The following ZNF462 variants were observed in gnomAD, a reference collection of about 807,000 sequenced individuals.
The protein encoded by ZNF462 is zinc finger PBX1-interacting protein.
A neutral mutation model predicts 201.9 loss-of-function variants in ZNF462; 10 were observed. The ratio of observed to expected loss-of-function variants is 0.05; its 90% CI spans 0.03 to 0.08. The LOEUF (loss-of-function observed/expected upper bound fraction) is 0.08. ZNF462 is among the 10% of genes least tolerant of loss of function. The pLI, the probability that ZNF462 is intolerant of heterozygous loss-of-function variation, is 1.00. For synonymous variants in ZNF462, 1,227 were observed against 1,193.3 expected (o/e 1.03, Z -0.58); for missense variants, 2,523 against 3,168.3 (o/e 0.80, Z 4.89).
Position 106,929,230 on chromosome 9 carries a change from C to G in ZNF462, c.5318C>G (p.Ser1773Cys). Residue 1773 changes from serine to cysteine, a missense_variant, in exon 3 of 13, where the codon TCT (serine) becomes TGT (cysteine). By Grantham distance (112) the Ser-to-Cys change is moderately radical. Transcript: ENST00000277225. The surrounding 1 kb of genome is among the most constrained non-coding windows in gnomAD (Gnocchi z 8.7). ...GAGAAGAAAAAGTGCTCCTTGTGCT[C>G]TTTCCAGTCGTTCAGCAAGAAGGGC... ...AVEKKKCSLC[S>C]FQSFSKKGIV... 1 of 1,614,200 alleles carries G rather than the reference C, an allele frequency of 6.2e-7. No individual in the cohort carries two copies. Among genetic ancestry groups the G allele is most frequent in the Non-Finnish European group, 8.5e-7 (1 of 1,180,044 alleles).
At chr9:106,988,685 C>T (rs1219023727) in intron 10 of ZNF462, among the ~76,000 whole-genome samples, 2 of 152,118 alleles carry the variant, frequency 1.3e-5, no homozygotes, top group Non-Finnish European at 2.9e-5. Flanking sequence ...GGATGTGTTT[C>T]CATTTGTTTG....
intron 10 of ZNF462, among the ~76,000 whole-genome samples, chr9:107,001,591 A>C (rs1052483253): frequency 4.6e-4 from 70 of 152,178 alleles, no homozygotes; most frequent in Non-Finnish European, 7.9e-4. Context: ...TATGTCATAA[A>C]AGGAAATCAA....
chr9:106,971,935 AG>A, intron 7 of ZNF462, 69 bp from the exon 8 acceptor site: 1 of 1,530,812 alleles, frequency 6.5e-7, no homozygotes, highest in Non-Finnish European at 8.8e-7. Flanking sequence ...ACCTGATGTC[AG>A]GGGTTTTCAA....
In ZNF462 at chr9:106,920,144, C is replaced by T. The variant is rs1361727646; in HGVS notation, c.-30-3210C>T. Among the ~76,000 whole-genome samples, 5 of 144,994 alleles carry T rather than the reference C, an allele frequency of 3.4e-5. No individual in the cohort carries two copies. The highest frequency in any genetic ancestry group is 1.0e-4 in the African/African-American group (4 of 39,716). On this transcript the variant is annotated intron_variant, in intron 1 of 12. Transcript: ENST00000277225. The surrounding 1 kb of genome is among the most constrained non-coding windows in gnomAD (Gnocchi z 4.3). ...AAGATATGCAGAGCTTATTTCTCAC[C>T]TTTTTTTTTTTTCCTCGGTTTTGGT...
At chr9:106,860,181 G>A (rs981478487), upstream of ZNF462, among the ~76,000 whole-genome samples, 33 of 152,188 alleles carry the variant, frequency 2.2e-4, no homozygotes, top group African/African-American at 7.2e-4. The surrounding 1 kb of genome is among the most constrained non-coding windows in gnomAD (Gnocchi z 7.1). Flanking sequence ...CCCGCGGCCG[G>A]TTCGGGAGCT....
At position 106,935,740 on chromosome 9, in the gene ZNF462, G is replaced by T; in HGVS notation, c.6235+119G>T. ...ACTTGAGAATGTTATTCTTGGGATG[G>T]ATGTATATTCAGTTTTATTTTTACC... On this transcript the variant is annotated intron_variant, in intron 6 of 12. Coordinates refer to ENST00000277225, the MANE Select transcript of ZNF462 (RefSeq NM_021224.6). The surrounding 1 kb of genome is among the most constrained non-coding windows in gnomAD (Gnocchi z 4.1). 1 of 718,030 alleles carries T rather than the reference G, an allele frequency of 1.4e-6. No individual in the cohort carries two copies. The highest frequency in any genetic ancestry group is 2.2e-6 in the Non-Finnish European group (1 of 456,194). 44.5% of individuals were successfully genotyped at this position (718,030 alleles called of 1,614,324 possible).
rs1469176439 is a variant in ZNF462, at chr9:106,927,863, C to T, written c.3951C>T (p.Cys1317=). The T allele has an allele frequency of 1.2e-6, 2 of 1,614,030 alleles. No homozygotes were observed. Among genetic ancestry groups the T allele is most frequent in the Non-Finnish European group, 1.7e-6 (2 of 1,180,046 alleles). ...AAGCTGGCTACCACTGCGAGTGGTG[C>T]ATCTACTCCCATACGGAGCCCAACG... The part of the protein sequence containing the change: ...LIEAGYHCEW[C]IYSHTEPNGL... Residue 1317 remains cysteine (C), a synonymous_variant, in exon 3 of 13, where the codon TGC becomes TGT. Transcript: ENST00000277225.
At position 106,935,022 on chromosome 9, in the gene ZNF462, C is replaced by T. The variant is rs1220977775; in HGVS notation, c.6117-481C>T. ...CACTTCGAAACCTCCCTTCCTCACTCTAGTGTTCACAATGAAAGTAGAATT... is the reference window on the plus strand; with the variant it reads ...CACTTCGAAACCTCCCTTCCTCACTTTAGTGTTCACAATGAAAGTAGAATT... On this transcript the variant is annotated intron_variant, in intron 5 of 12. Coordinates refer to ENST00000277225, the MANE Select transcript of ZNF462 (RefSeq NM_021224.6). This position sits in a 1 kb window ranked among gnomAD's most constrained non-coding sequence, Gnocchi z 4.1. Among the ~76,000 whole-genome samples the T allele has an allele frequency of 6.6e-6, 1 of 152,148 alleles. No individual in the cohort carries two copies. The highest frequency in any genetic ancestry group is 2.4e-5 in the African/African-American group (1 of 41,438).
At position 106,926,283 on chromosome 9, in the gene ZNF462, C is replaced by T; in HGVS notation, c.2371C>T (p.Leu791Phe). The T allele has an allele frequency of 1.2e-6, 2 of 1,614,176 alleles. No individual in the cohort carries two copies. Among genetic ancestry groups the T allele is most frequent in the Non-Finnish European group, 1.7e-6 (2 of 1,180,048 alleles). The change falls in exon 3 of 13, where the codon CTC becomes TTC. Residue 791 changes from leucine to phenylalanine, a missense_variant. By Grantham distance (22) the Leu-to-Phe change is conservative. Transcript: ENST00000277225. The surrounding 1 kb of genome is among the most constrained non-coding windows in gnomAD (Gnocchi z 7.9). Reference protein sequence around the residue: ...YNATNGAEIELTLSEDEEDYY... With the variant: ...YNATNGAEIEFTLSEDEEDYY... ...TGCCACCAATGGGGCTGAGATTGAG[C>T]TCACCCTTTCTGAAGATGAAGAGGA...
chr9:106,987,790 T>G (rs1197692135), intron 10 of ZNF462, among the ~76,000 whole-genome samples: 1 of 152,210 alleles, frequency 6.6e-6, no homozygotes, highest in Non-Finnish European at 1.5e-5. Context: ...ATTTTTATAG[T>G]TTCTCCTCTT....
intron 1 of ZNF462, among the ~76,000 whole-genome samples, chr9:106,906,359 TCCGCATGCTGCTCTGC>T (rs1168843477): frequency 6.6e-6 from 1 of 152,232 alleles, no homozygotes; most frequent in Non-Finnish European, 1.5e-5. Context: ...AATGCAAGCC[TCCGCATGCTGCTCTGC>T]CTGGAGCTAC....
rs1829903395 is a variant in ZNF462, at chr9:107,011,041, A to G, written c.*11A>G. Reference sequence around the variant, plus strand: ...GCCAAAAAAGAATGAGCGTTTGGTGAAATTCTTAATCAAACCTTACTTGAA... The same window carrying G: ...GCCAAAAAAGAATGAGCGTTTGGTGGAATTCTTAATCAAACCTTACTTGAA... On this transcript the variant is annotated 3_prime_UTR_variant, in exon 13 of 13. Transcript: ENST00000277225. The surrounding 1 kb of genome is among the most constrained non-coding windows in gnomAD (Gnocchi z 5.6). 1 of 1,611,832 alleles carries G rather than the reference A, an allele frequency of 6.2e-7. No homozygotes were observed. Among genetic ancestry groups the G allele is most frequent in the African/African-American group, 1.3e-5 (1 of 74,890 alleles).
intron 1 of ZNF462, among the ~76,000 whole-genome samples, chr9:106,908,929 A>T (rs1483005867): frequency 3.3e-4 from 9 of 27,232 alleles, no homozygotes; most frequent in Non-Finnish European, 5.0e-4. Flanking sequence ...ATATATATAT[A>T]TATATATATA....
At chr9:106,887,743 C>T (rs192592296) in intron 1 of ZNF462, among the ~76,000 whole-genome samples, 80 of 152,182 alleles carry the variant, frequency 5.3e-4, no homozygotes, top group Non-Finnish European at 8.5e-4. Flanking sequence ...GTCATGATTG[C>T]GTTGCAACAT....
Position 106,872,846 on chromosome 9 carries a change from AT to A in ZNF462, c.-31+9492del, listed in dbSNP as rs1827654219. The stretch of plus-strand genomic sequence containing the variant: ...GGAATACCACATAGGACCTTAAAAA[AT>A]GCTGTCTTCCCTCGTGGACTGACTC... On this transcript the variant is annotated intron_variant, in intron 1 of 12. Coordinates refer to ENST00000277225, the MANE Select transcript of ZNF462 (RefSeq NM_021224.6). The surrounding 1 kb of genome is among the most constrained non-coding windows in gnomAD (Gnocchi z 4.5). 6.6e-6 allele frequency among the ~76,000 whole-genome samples: 1 copy of A among 152,348 alleles called. No homozygotes were observed. The highest frequency in any genetic ancestry group is 2.4e-5 in the African/African-American group (1 of 41,588).
chr9:106,887,386 A>G (rs1451670647), intron 1 of ZNF462, among the ~76,000 whole-genome samples: 1 of 152,172 alleles, frequency 6.6e-6, no homozygotes, highest in Non-Finnish European at 1.5e-5. Flanking sequence ...TGGAAGTATA[A>G]AAACAGTTTC....
rs1474128958 is a variant in ZNF462 at position 106,927,889 on chromosome 9, G to T, written c.3977G>T (p.Gly1326Val). 6.2e-7 allele frequency: 1 copy of T among 1,614,054 alleles called. No individual in the cohort carries two copies. Among genetic ancestry groups the T allele is most frequent in the African/African-American group, 1.3e-5 (1 of 74,914 alleles). ...WCIYSHTEPN[G>V]LLLHYQRRHP... ...ATCTACTCCCATACGGAGCCCAACG[G>T]TTTGCTCCTGCATTACCAACGGAGG... is the stretch of plus-strand genomic sequence containing the variant. Residue 1326 changes from glycine (G) to valine (V), a missense_variant, in exon 3 of 13, where the codon GGT becomes GTT. This residue lies in a region of ZNF462 where 222 missense variants were observed against 271.6 expected (regional missense o/e 0.82). Coordinates refer to ENST00000277225, the MANE Select transcript of ZNF462 (RefSeq NM_021224.6).
At position 106,865,285 on chromosome 9, in the gene ZNF462, C is replaced by A. The variant is rs1353072583; in HGVS notation, c.-31+1930C>A. On this transcript the variant is annotated intron_variant, in intron 1 of 12. Transcript: ENST00000277225. This position sits in a 1 kb window ranked among gnomAD's most constrained non-coding sequence, Gnocchi z 4.1. ...GCAAGGCAAAAACCTTAAAACAGTT[C>A]CACTGAGGTCTTCACACAACTTTAA... Among the ~76,000 whole-genome samples, 1 of 152,084 alleles carries A rather than the reference C, an allele frequency of 6.6e-6. No homozygotes were observed. The highest frequency in any genetic ancestry group is 1.5e-5 in the Non-Finnish European group (1 of 68,018).
Position 106,886,544 on chromosome 9 carries a change from A to C in ZNF462, c.-31+23189A>C. Among the ~76,000 whole-genome samples the C allele has an allele frequency of 6.6e-6, 1 of 152,182 alleles. No homozygotes were observed. Among genetic ancestry groups the C allele is most frequent in the Admixed American group, 6.5e-5 (1 of 15,282 alleles). On this transcript the variant is annotated intron_variant, in intron 1 of 12. Coordinates refer to ENST00000277225, the MANE Select transcript of ZNF462 (RefSeq NM_021224.6). This position sits in a 1 kb window ranked among gnomAD's most constrained non-coding sequence, Gnocchi z 4.6. ...TATACAACAATGTCAGCTACAAAAA[A>C]AATAGAAGAGATAGGGTCTGAAAAG...
Sources: allele counts gnomAD v4.1 joint callset (sites outside exome capture counted in the v4.1 genomes callset), GRCh38; gene constraint gnomAD v4.1.1; regional missense constraint gnomAD v4.1.1; non-coding constraint Gnocchi (gnomAD v3.1); transcripts MANE v1.5; gene names NCBI Gene and HGNC (gene_info 2026-07-23, HGNC 2026-07-21).